GALNT18: variants seen among roughly 807,000 people sequenced by gnomAD.
GALNT18 encodes the protein GalNAc-transferase 18.
A neutral mutation model predicts 69.5 loss-of-function variants in GALNT18; 44 were observed. The ratio of observed to expected loss-of-function variants is 0.63; its 90% CI spans 0.50 to 0.81. The LOEUF is 0.81. Among genes scored for constraint, GALNT18 ranks in the 40% least tolerant of loss-of-function variants. The probability of loss-of-function intolerance (pLI) is 0.00; values close to 1 mark genes in which losing one functional copy is unlikely to be tolerated. For synonymous variants in GALNT18, 364 were observed against 318.2 expected, an observed-to-expected ratio of 1.14 and a Z score of -1.53; for missense variants, 715 against 810.0, an observed-to-expected ratio of 0.88 and a Z score of 1.42.
Position 11,389,012 on chromosome 11 carries a change from GC to G in GALNT18, c.596-9749del, listed in dbSNP as rs1229793006. On this transcript the variant is annotated intron_variant, in intron 3 of 10. Transcript: ENST00000227756. The surrounding 1 kb of genome is among the most constrained non-coding windows in gnomAD (Gnocchi z 4.3). Reference sequence around the variant, plus strand: ...TCTGTTCCATAGATGAGGAAACACAGCCCAGAGAGGCTAAAGGATTTGCCCA... The same window carrying G: ...TCTGTTCCATAGATGAGGAAACACAGCCAGAGAGGCTAAAGGATTTGCCCA... Among the ~76,000 whole-genome samples, 1 of 152,178 alleles carries G rather than the reference GC, an allele frequency of 6.6e-6. No individual in the cohort carries two copies. The highest frequency in any genetic ancestry group is 2.4e-5 in the African/African-American group (1 of 41,446).
At chr11:11,531,166 T>C (rs1189372885) in intron 1 of GALNT18, among the ~76,000 whole-genome samples, 4 of 152,230 alleles carry the variant, frequency 2.6e-5, no homozygotes, top group African/African-American at 7.2e-5. Flanking sequence ...TGTAAATCCA[T>C]AGCTGCCTTC....
chr11:11,277,551 T>A (rs1848975425), intron 10 of GALNT18, among the ~76,000 whole-genome samples: 4 of 152,234 alleles, frequency 2.6e-5, no homozygotes. Context: ...AGCTTTTGAA[T>A]GTGTTTGCTG....
rs1854775986 is a variant in GALNT18, at chr11:11,413,373, G to A, written c.595+19248C>T. The stretch of plus-strand genomic sequence containing the variant: ...TGCAGATGCCCCATTAGGACTCAGA[G>A]GCACTCTCTACTTTCTCTGGAGGCC... On this transcript the variant is annotated intron_variant, in intron 3 of 10. Transcript: ENST00000227756. This position sits in a 1 kb window ranked among gnomAD's most constrained non-coding sequence, Gnocchi z 4.7. 2.0e-5 allele frequency among the ~76,000 whole-genome samples: 3 copies of A among 152,156 alleles called. No individual in the cohort carries two copies. Among genetic ancestry groups the A allele is most frequent in the Admixed American group, 1.3e-4 (2 of 15,274 alleles).
intron 1 of GALNT18, among the ~76,000 whole-genome samples, chr11:11,503,922 T>C (rs1857021392): frequency 6.6e-6 from 1 of 152,214 alleles, no homozygotes; most frequent in Non-Finnish European, 1.5e-5. Flanking sequence ...CTTCCACCAC[T>C]ACTCAACCAA....
intron 1 of GALNT18, among the ~76,000 whole-genome samples, chr11:11,501,933 T>G (rs1034885451): frequency 5.9e-5 from 9 of 152,212 alleles, no homozygotes; most frequent in Non-Finnish European, 1.3e-4. Context: ...AGGCCTGAGA[T>G]CTTGCTTCTA....
chr11:11,601,681 A>G lies in GALNT18; in HGVS notation c.235+19678T>C, dbSNP rs1020170135. Reference sequence around the variant, plus strand: ...AGTTTTTGAGGCTTTCTTTGACCATAGGAAATGTCTCTTTCTTTGATTATG... The same window carrying G: ...AGTTTTTGAGGCTTTCTTTGACCATGGGAAATGTCTCTTTCTTTGATTATG... On this transcript the variant is annotated intron_variant, in intron 1 of 10. Coordinates refer to ENST00000227756, the MANE Select transcript of GALNT18 (RefSeq NM_198516.3). This position sits in a 1 kb window ranked among gnomAD's most constrained non-coding sequence, Gnocchi z 4.0. Among the ~76,000 whole-genome samples, 3 of 152,216 alleles carry G rather than the reference A, an allele frequency of 2.0e-5. No individual in the cohort carries two copies. Among genetic ancestry groups the G allele is most frequent in the Non-Finnish European group, 4.4e-5 (3 of 68,034 alleles).
Position 11,379,138 on chromosome 11 carries a change from G to T in GALNT18, c.722C>A (p.Ala241Glu). The T allele has an allele frequency of 6.2e-7, 1 of 1,611,172 alleles. No homozygotes were observed. Among genetic ancestry groups the T allele is most frequent in the Non-Finnish European group, 8.5e-7 (1 of 1,179,942 alleles). The change falls in exon 4 of 11, where the codon GCG (alanine) becomes GAG (glutamate). Residue 241 changes from alanine (A) to glutamate (E), a missense_variant. Transcript: ENST00000227756. ...LIRSRVSGWRAATAPVVALFD... is the reference protein window; with the variant it reads ...LIRSRVSGWREATAPVVALFD... ...GAGTGCCACCACAGGGGCAGTGGCCGCCCTCCAGCCACTGACCCTGGAGCG... is the reference window on the plus strand; with the variant it reads ...GAGTGCCACCACAGGGGCAGTGGCCTCCCTCCAGCCACTGACCCTGGAGCG...
chr11:11,569,520 T>C (rs1437926510), intron 1 of GALNT18, among the ~76,000 whole-genome samples: 2 of 152,226 alleles, frequency 1.3e-5, no homozygotes, highest in African/African-American at 4.8e-5. Context: ...TTGCAGACCA[T>C]GGAACCTCTG....
intron 6 of GALNT18, among the ~76,000 whole-genome samples, chr11:11,367,587 A>G (rs1013976664): frequency 3.3e-5 from 5 of 152,136 alleles, no homozygotes; most frequent in African/African-American, 4.8e-5. Context: ...TGCTCTGGAC[A>G]CCACGGTGGG....
At chr11:11,615,142 A>C (rs1351564037) in intron 1 of GALNT18, among the ~76,000 whole-genome samples, 1 of 152,234 alleles carries the variant, frequency 6.6e-6, no homozygotes, top group East Asian at 1.9e-4. Flanking sequence ...AATAAACTCC[A>C]TGCACTCAGC....
At chr11:11,517,792 C>T (rs1157688416) in intron 1 of GALNT18, among the ~76,000 whole-genome samples, 1 of 152,154 alleles carries the variant, frequency 6.6e-6, no homozygotes, top group Non-Finnish European at 1.5e-5. Context: ...ACCCCAGCCC[C>T]CAAGCTTCAA....
rs1055500293 is a variant in GALNT18, at chr11:11,383,290, C to G, written c.596-4026G>C. 7.2e-5 allele frequency among the ~76,000 whole-genome samples: 11 copies of G among 152,322 alleles called. No individual in the cohort carries two copies. Among genetic ancestry groups the G allele is most frequent in the Non-Finnish European group, 1.0e-4 (7 of 68,026 alleles). On this transcript the variant is annotated intron_variant, in intron 3 of 10. Transcript: ENST00000227756. This position sits in a 1 kb window ranked among gnomAD's most constrained non-coding sequence, Gnocchi z 5.2. ...GCCCTTCTCCCTTCCTCATCTACCC[C>G]CTTCCACTGCTTCTATAAGAAGTTG...
At chr11:11,400,052 T>G (rs1258134978) in intron 3 of GALNT18, among the ~76,000 whole-genome samples, 1 of 152,220 alleles carries the variant, frequency 6.6e-6, no homozygotes, top group Non-Finnish European at 1.5e-5. Context: ...ATGGCAGCAG[T>G]GGAAGTGATG....
rs1854996148 is a variant in GALNT18 at position 11,421,170 on chromosome 11, C to T, written c.595+11451G>A. On this transcript the variant is annotated intron_variant, in intron 3 of 10. Coordinates refer to ENST00000227756, the MANE Select transcript of GALNT18 (RefSeq NM_198516.3). The surrounding 1 kb of genome is among the most constrained non-coding windows in gnomAD (Gnocchi z 5.6). Reference sequence around the variant, plus strand: ...GGGGACAAGAGGAGTGATGAGCTACCCACACCACTGCCAGGCTCAGGCAGC... The same window carrying T: ...GGGGACAAGAGGAGTGATGAGCTACTCACACCACTGCCAGGCTCAGGCAGC... 1.3e-5 allele frequency among the ~76,000 whole-genome samples: 2 copies of T among 151,912 alleles called. No individual in the cohort carries two copies. Among genetic ancestry groups the T allele is most frequent in the South Asian group, 2.1e-4 (1 of 4,790 alleles).
rs2133972554 is a variant in GALNT18 at position 11,616,581 on chromosome 11, C to T, written c.235+4778G>A. 6.6e-6 allele frequency among the ~76,000 whole-genome samples: 1 copy of T among 152,294 alleles called. No homozygotes were observed. The highest frequency in any genetic ancestry group is 1.9e-4 in the East Asian group (1 of 5,192). ...ATAATAGTATACTGATGACAGAATA[C>T]TATGCAGTCATTAAAAATACAGTAA... On this transcript the variant is annotated intron_variant, in intron 1 of 10. Transcript: ENST00000227756. This position sits in a 1 kb window ranked among gnomAD's most constrained non-coding sequence, Gnocchi z 4.4.
rs914924812 is a variant in GALNT18, at chr11:11,415,862, T to C, written c.595+16759A>G. ...CGCTCTCCACTGTTGGACTCACATG[T>C]CATAGGAATATGGAGTACACAGGTC... On this transcript the variant is annotated intron_variant, in intron 3 of 10. Transcript: ENST00000227756. This position sits in a 1 kb window ranked among gnomAD's most constrained non-coding sequence, Gnocchi z 4.1. 3.9e-5 allele frequency among the ~76,000 whole-genome samples: 6 copies of C among 152,146 alleles called. No individual in the cohort carries two copies. Among genetic ancestry groups the C allele is most frequent in the Non-Finnish European group, 8.8e-5 (6 of 68,028 alleles).
In GALNT18 at chr11:11,469,120, C is replaced by T. The variant is rs1002319217; in HGVS notation, c.236-20184G>A. On this transcript the variant is annotated intron_variant, in intron 1 of 10. Coordinates refer to ENST00000227756, the MANE Select transcript of GALNT18 (RefSeq NM_198516.3). This position sits in a 1 kb window ranked among gnomAD's most constrained non-coding sequence, Gnocchi z 4.2. ...TTTAACCACGTCACTGTGAATCAGC[C>T]AGCTCTGATGATATTATTTTTTGGA... is the stretch of plus-strand genomic sequence containing the variant. Among the ~76,000 whole-genome samples, 4 of 152,168 alleles carry T rather than the reference C, an allele frequency of 2.6e-5. No individual in the cohort carries two copies. In the East Asian group the frequency reaches 5.8e-4, roughly 22 times the overall value.
chr11:11,413,002 T>G lies in GALNT18; in HGVS notation c.595+19619A>C, dbSNP rs572714927. Among the ~76,000 whole-genome samples, 1 of 152,316 alleles carries G rather than the reference T, an allele frequency of 6.6e-6. No homozygotes were observed. Among genetic ancestry groups the G allele is most frequent in the South Asian group, 2.1e-4 (1 of 4,824 alleles). ...GGGGATCATTCTAAGGCATGAATTT[T>G]ACACCTATTTCCCAGAGTATCCCAA... is the stretch of plus-strand genomic sequence containing the variant. On this transcript the variant is annotated intron_variant, in intron 3 of 10. Transcript: ENST00000227756. The surrounding 1 kb of genome is among the most constrained non-coding windows in gnomAD (Gnocchi z 4.7).
intron 2 of GALNT18, among the ~76,000 whole-genome samples, chr11:11,441,980 C>T (rs1291243681): frequency 6.6e-6 from 1 of 152,220 alleles, no homozygotes; most frequent in African/African-American, 2.4e-5. Flanking sequence ...AATATTGTCA[C>T]TGTAACAAAT....
Sources: allele counts gnomAD v4.1 joint callset (sites outside exome capture counted in the v4.1 genomes callset), GRCh38; gene constraint gnomAD v4.1.1; non-coding constraint Gnocchi (gnomAD v3.1); transcripts MANE v1.5; gene names NCBI Gene and HGNC (gene_info 2026-07-23, HGNC 2026-07-21).